IL20RA: variants seen among roughly 807,000 people sequenced by gnomAD.
IL20RA encodes interleukin-20 receptor subunit alpha.
A neutral mutation model predicts 36.5 loss-of-function variants in IL20RA; 29 were observed. The observed-to-expected ratio is 0.79, with a 90% CI of 0.59 to 1.08. IL20RA has a LOEUF of 1.08. Ranked by LOEUF, IL20RA falls within the 50% of genes least tolerant of loss-of-function variation. The pLI is 0.00. For missense variants in IL20RA, 652 were observed against 668.4 expected, an observed-to-expected ratio of 0.98 and a Z score of 0.27; for synonymous variants, 279 against 267.1, an observed-to-expected ratio of 1.04 and a Z score of -0.43.
At chr6:137,002,991 G>A (rs1208794393) in intron 6 of IL20RA, among the ~76,000 whole-genome samples, 4 of 152,192 alleles carry the variant, frequency 2.6e-5, no homozygotes, top group African/African-American at 4.8e-5. Context: ...AGGAAGCTCA[G>A]ATGAGATTAA....
chr6:137,025,857 C>T (rs142818896), intron 1 of IL20RA, among the ~76,000 whole-genome samples: 5 of 152,288 alleles, frequency 3.3e-5, no homozygotes, highest in East Asian at 1.9e-4. Context: ...GAAAAGCCTA[C>T]GCATACGTGA....
intron 1 of IL20RA, among the ~76,000 whole-genome samples, chr6:137,024,230 C>G (rs1776010234): frequency 6.6e-6 from 1 of 152,180 alleles, no homozygotes. Flanking sequence ...TTTTTAGGCA[C>G]TGTGTTTGTT....
In IL20RA at chr6:137,034,712, G is replaced by A. The variant is rs143961211; in HGVS notation, c.88+9929C>T. Among the ~76,000 whole-genome samples the A allele has an allele frequency of 3.7e-4, 57 of 152,094 alleles. No homozygotes were observed. In the East Asian group the frequency reaches 7.4e-3, roughly 20 times the overall value. ...TCCCAGCACTTTGGGAGGCCAAGGC[G>A]GGCAGATCACAAGGTCAGGAGATGG... On this transcript the variant is annotated intron_variant, in intron 1 of 6. Transcript: ENST00000316649.
chr6:137,034,770 C>G (rs896895444), intron 1 of IL20RA, among the ~76,000 whole-genome samples: 2 of 151,730 alleles, frequency 1.3e-5, no homozygotes, highest in Non-Finnish European at 2.9e-5. Context: ...GAAACCCTGT[C>G]TCTACTAAAA....
At chr6:137,011,605 C>T (rs572557971) in intron 2 of IL20RA, among the ~76,000 whole-genome samples, 153 bp from the exon 3 acceptor site, 2 of 152,296 alleles carry the variant, frequency 1.3e-5, no homozygotes, top group South Asian at 2.1e-4. Flanking sequence ...TCCACTTTTG[C>T]GGTGGGCAAT....
chr6:137,010,433 A>G (rs1775445740), intron 3 of IL20RA, among the ~76,000 whole-genome samples: 1 of 152,256 alleles, frequency 6.6e-6, no homozygotes, highest in Admixed American at 6.5e-5. Context: ...TTGGATTTTT[A>G]GAAACTATTT....
intron 1 of IL20RA, among the ~76,000 whole-genome samples, chr6:137,035,436 TA>T (rs1352114032): frequency 6.6e-6 from 1 of 152,238 alleles, no homozygotes; most frequent in Non-Finnish European, 1.5e-5. Flanking sequence ...CCTATGCTTC[TA>T]AAGAAACTGT....
intron 1 of IL20RA, among the ~76,000 whole-genome samples, chr6:137,023,547 A>C (rs1427079032): frequency 6.6e-6 from 1 of 152,226 alleles, no homozygotes; most frequent in African/African-American, 2.4e-5. Flanking sequence ...GACCAAGAGG[A>C]GAAGGGAGAA....
intron 2 of IL20RA, among the ~76,000 whole-genome samples, chr6:137,016,654 C>T (rs919813512): frequency 3.3e-5 from 5 of 152,124 alleles, no homozygotes; most frequent in Non-Finnish European, 5.9e-5. Context: ...GCCTATAATT[C>T]CAAACAGCTT....
chr6:137,028,100 C>T (rs902109870), intron 1 of IL20RA, among the ~76,000 whole-genome samples: 2 of 152,026 alleles, frequency 1.3e-5, no homozygotes, highest in Non-Finnish European at 2.9e-5. Flanking sequence ...ATATGATAGG[C>T]ACGGGGGTAC....
intron 1 of IL20RA, among the ~76,000 whole-genome samples, chr6:137,041,634 A>G (rs1776696163): frequency 6.6e-6 from 1 of 152,168 alleles, no homozygotes; most frequent in Non-Finnish European, 1.5e-5. Flanking sequence ...GTTTGTATCA[A>G]AGAAGAGACA....
At chr6:137,039,142 A>G (rs559568763) in intron 1 of IL20RA, among the ~76,000 whole-genome samples, 94 of 152,342 alleles carry the variant, frequency 6.2e-4, no homozygotes, top group African/African-American at 2.1e-3. Flanking sequence ...CAGCCCTACT[A>G]TGTCGTTCCT....
At position 137,044,741 on chromosome 6, in the gene IL20RA, T is replaced by G; in HGVS notation, c.-13A>C. On this transcript the variant is annotated 5_prime_UTR_variant, in exon 1 of 7. Coordinates refer to ENST00000316649, the MANE Select transcript of IL20RA (RefSeq NM_014432.4). ...CGGGAGCCCGCATGGGCGGCGGGGC[T>G]GGGTCACATGTCGGGGGGCAGCAGA... 8.2e-7 allele frequency: 1 copy of G among 1,215,086 alleles called. No individual in the cohort carries two copies. Among genetic ancestry groups the G allele is most frequent in the Non-Finnish European group, 1.0e-6 (1 of 977,532 alleles). 75.3% of individuals were successfully genotyped at this position (1,215,086 alleles called of 1,614,324 possible).
rs139049365 is a variant in IL20RA at position 137,036,583 on chromosome 6, T to C, written c.88+8058A>G. Among the ~76,000 whole-genome samples the C allele has an allele frequency of 1.7e-3, 264 of 152,100 alleles. 2 individuals are homozygous for C. The South Asian group carries it at 0.037, about 21-fold the overall frequency. On this transcript the variant is annotated intron_variant, in intron 1 of 6. Transcript: ENST00000316649. ...TGAAGATCAGGGAGAGATCAGGGTG[T>C]TGTGTCTACAAGCCAAGGGGTGCCT...
chr6:137,021,301 G>A (rs1259565926), intron 1 of IL20RA, among the ~76,000 whole-genome samples: 1 of 151,990 alleles, frequency 6.6e-6, no homozygotes, highest in East Asian at 1.9e-4. Context: ...TCTCTCACAT[G>A]GACTGCTTGT....
chr6:137,044,278 C>A (rs1490453370), intron 1 of IL20RA: 2 of 999,374 alleles, frequency 2.0e-6, no homozygotes, highest in Non-Finnish European at 2.4e-6. Flanking sequence ...TGGGACTGGC[C>A]GGCGAGGGGC....
chr6:137,026,692 C>T (rs1776098847), intron 1 of IL20RA, among the ~76,000 whole-genome samples: 1 of 152,188 alleles, frequency 6.6e-6, no homozygotes, highest in Admixed American at 6.5e-5. Flanking sequence ...CAATGACATT[C>T]TAACCGCCGA....
At position 137,016,984 on chromosome 6, in the gene IL20RA, T is replaced by C; in HGVS notation, c.208A>G (p.Thr70Ala). 1.9e-6 allele frequency: 3 copies of C among 1,613,638 alleles called. No homozygotes were observed. The highest frequency in any genetic ancestry group is 1.7e-6 in the Non-Finnish European group (2 of 1,179,716). ...EGLQGVKVTY[T>A]VQYFIYGQKK... ...GAAACTTACATGAAATACTGCACAG[T>C]GTAAGTAACTTTAACTCCTTGAAGA... The change falls in exon 2 of 7, where the codon ACT (threonine) becomes GCT (alanine). Residue 70 changes from threonine (T) to alanine (A), a missense_variant. Transcript: ENST00000316649.
intron 1 of IL20RA, among the ~76,000 whole-genome samples, chr6:137,028,864 T>A (rs970114325): frequency 2.1e-5 from 3 of 141,812 alleles, no homozygotes; most frequent in Non-Finnish European, 4.7e-5. Context: ...GAAAAAAAAA[T>A]TCAATCTCAT....
Sources: allele counts gnomAD v4.1 joint callset (sites outside exome capture counted in the v4.1 genomes callset), GRCh38; gene constraint gnomAD v4.1.1; transcripts MANE v1.5; gene names NCBI Gene and HGNC (gene_info 2026-07-23, HGNC 2026-07-21).